The following DIAPH2 variants were observed in gnomAD, a reference collection of about 807,000 sequenced individuals.
DIAPH2 encodes the protein diaphanous related formin 2.
Under a neutral mutation model 92.7 loss-of-function variants are expected in DIAPH2, and 35 were observed. The ratio of observed to expected loss-of-function variants is 0.38; its 90% CI spans 0.29 to 0.50. The LOEUF is 0.50. DIAPH2 is among the 20% of genes least tolerant of loss of function. The pLI, the probability that DIAPH2 is intolerant of heterozygous loss-of-function variation, is 0.94. For missense variants in DIAPH2, 701 were observed against 819.5 expected, an observed-to-expected ratio of 0.86 and a Z score of 1.77; for synonymous variants, 301 against 280.4, an observed-to-expected ratio of 1.07 and a Z score of -0.73.
At chrX:96,855,838 A>G (rs1161365396) in intron 4 of DIAPH2, among the ~76,000 whole-genome samples, 2 of 111,550 alleles carry the variant, frequency 1.8e-5, no homozygotes. Flanking sequence ...GATATTCCGA[A>G]CTAACAATTC....
At chrX:97,413,033 G>A (rs1446632626) in intron 25 of DIAPH2, among the ~76,000 whole-genome samples, 15 of 111,893 alleles carry the variant, frequency 1.3e-4, no homozygotes, top group Non-Finnish European at 2.8e-4. Flanking sequence ...GAAAAAGAGG[G>A]AATCCTCCCT....
intron 23 of DIAPH2, among the ~76,000 whole-genome samples, chrX:97,267,191 C>A (rs148813021): frequency 0.013 from 1,464 of 111,419 alleles, 31 homozygotes; most frequent in African/African-American, 0.045. Context: ...TCGATTGTTC[C>A]ATCTGACTTT....
chrX:97,574,945 T>G (rs1423778879), intron 26 of DIAPH2, among the ~76,000 whole-genome samples: 1 of 112,141 alleles, frequency 8.9e-6, no homozygotes, highest in East Asian at 2.8e-4. Context: ...GCATAAGGCC[T>G]GCACTAGAGC....
At chrX:96,819,796 C>A (rs1007633084) in intron 4 of DIAPH2, among the ~76,000 whole-genome samples, 1 of 111,884 alleles carries the variant, frequency 8.9e-6, no homozygotes, top group Admixed American at 9.5e-5. Flanking sequence ...TTCATTTATT[C>A]ATTCATTCAG....
chrX:97,144,437 G>A (rs748784155), intron 22 of DIAPH2, among the ~76,000 whole-genome samples: 1 of 111,076 alleles, frequency 9.0e-6, no homozygotes, highest in South Asian at 3.8e-4. Context: ...GAGAAGATTT[G>A]AAATATTCCC....
chrX:97,322,289 A>T (rs1191220372), intron 23 of DIAPH2, among the ~76,000 whole-genome samples: 1 of 112,520 alleles, frequency 8.9e-6, no homozygotes, highest in Non-Finnish European at 1.9e-5. Flanking sequence ...AATGCAATTT[A>T]AAAAATGTAT....
chrX:97,593,560 A>G (rs2071531117), intron 26 of DIAPH2, among the ~76,000 whole-genome samples: 1 of 111,548 alleles, frequency 9.0e-6, no homozygotes, highest in Admixed American at 9.5e-5. Context: ...CTAGAGAAGG[A>G]CTTTCTAAGC....
chrX:97,233,714 T>C (rs990072970), intron 22 of DIAPH2, among the ~76,000 whole-genome samples: 4 of 112,101 alleles, frequency 3.6e-5, no homozygotes, highest in African/African-American at 1.3e-4. Flanking sequence ...GATTTTTCCT[T>C]TTATACTGAC....
chrX:97,167,780 T>C (rs1225896613), intron 22 of DIAPH2, among the ~76,000 whole-genome samples: 1 of 111,924 alleles, frequency 8.9e-6, no homozygotes, highest in Non-Finnish European at 1.9e-5. Flanking sequence ...TTTTCCATTT[T>C]TGACAATCTA....
At chrX:96,947,482 TG>T (rs761000247) in intron 14 of DIAPH2, among the ~76,000 whole-genome samples, 2 of 111,203 alleles carry the variant, frequency 1.8e-5, no homozygotes, top group South Asian at 7.8e-4. Context: ...TCCAAGGATC[TG>T]GGGTAGGTTT....
chrX:97,133,917 G>A (rs1347132782), intron 21 of DIAPH2, among the ~76,000 whole-genome samples: 2 of 112,122 alleles, frequency 1.8e-5, no homozygotes, highest in African/African-American at 6.5e-5. Context: ...TTTATGGCAA[G>A]CACTGAAACC....
Position 96,957,833 on chromosome X carries a change from A to T in DIAPH2, c.1620A>T (p.Gln540His), listed in dbSNP as rs775836067. 4 of 1,192,063 alleles carry T rather than the reference A, an allele frequency of 3.4e-6. No homozygotes were observed. Among genetic ancestry groups the T allele is most frequent in the Non-Finnish European group, 3.4e-6 (3 of 879,854 alleles). Residue 540 changes from glutamine to histidine, a missense_variant, in exon 16 of 27, where the codon CAA becomes CAT. Gln to His is a conservative substitution (Grantham distance 24). Transcript: ENST00000324765. ...TTGGATTATTTATATTTCAGGCACAAGTACTCTCAAGTTCATCAGGAATTC... is the reference window on the plus strand; with the variant it reads ...TTGGATTATTTATATTTCAGGCACATGTACTCTCAAGTTCATCAGGAATTC... Reference protein sequence around the residue: ...AEIQQLRTQAQVLSSSSGIPG... With the variant: ...AEIQQLRTQAHVLSSSSGIPG...
intron 4 of DIAPH2, among the ~76,000 whole-genome samples, chrX:96,835,648 T>C (rs965974649): frequency 8.9e-6 from 1 of 112,049 alleles, no homozygotes; most frequent in Non-Finnish European, 1.9e-5. Context: ...AGATTTTATG[T>C]TTAAAGGATT....
At position 97,072,555 on chromosome X, in the gene DIAPH2, T is replaced by C. The variant is rs750196153; in HGVS notation, c.2051-386T>C. Among the ~76,000 whole-genome samples, 3 of 112,384 alleles carry C rather than the reference T, an allele frequency of 2.7e-5. No homozygotes were observed. In the East Asian group the frequency reaches 8.4e-4, roughly 31 times the overall value. ...AAGCAATTTCACTGAATTGTTTAAATTTTAGCATATTTTGAGAGAAATGCA... is the reference window on the plus strand; with the variant it reads ...AAGCAATTTCACTGAATTGTTTAAACTTTAGCATATTTTGAGAGAAATGCA... On this transcript the variant is annotated intron_variant, in intron 17 of 26. Transcript: ENST00000324765.
chrX:97,241,271 T>C (rs2068090789), intron 22 of DIAPH2, among the ~76,000 whole-genome samples: 1 of 111,844 alleles, frequency 8.9e-6, no homozygotes, highest in Non-Finnish European at 1.9e-5. Flanking sequence ...ATGTTGGTTA[T>C]TACTTAAGAA....
chrX:96,784,954 A>G (rs1569394555), intron 4 of DIAPH2, among the ~76,000 whole-genome samples: 1 of 112,134 alleles, frequency 8.9e-6, no homozygotes, highest in Non-Finnish European at 1.9e-5. Flanking sequence ...CAATCTCTGG[A>G]GTCTGTCTGC....
intron 26 of DIAPH2, among the ~76,000 whole-genome samples, chrX:97,560,767 A>G (rs1016663975): frequency 8.9e-6 from 1 of 112,879 alleles, no homozygotes; most frequent in Non-Finnish European, 1.9e-5. Context: ...TGCTGGGATT[A>G]TAGGCGTGAG....
At chrX:97,353,096 C>A (rs2069233889) in intron 24 of DIAPH2, among the ~76,000 whole-genome samples, 1 of 109,866 alleles carries the variant, frequency 9.1e-6, no homozygotes, top group Non-Finnish European at 1.9e-5. Context: ...GACTTGACGA[C>A]TGTGCAATCC....
chrX:97,292,032 C>T (rs1273549255), intron 23 of DIAPH2, among the ~76,000 whole-genome samples: 1 of 108,442 alleles, frequency 9.2e-6, no homozygotes, highest in Non-Finnish European at 1.9e-5. Flanking sequence ...TATTTCTGCT[C>T]TATTAATACT....
Sources: gnomAD v4.1 joint callset for allele counts (sites outside exome capture counted in the v4.1 genomes callset) on GRCh38, gnomAD v4.1.1 for gene constraint, MANE v1.5 for transcripts, NCBI Gene and HGNC (gene_info 2026-07-23, HGNC 2026-07-21) for gene names.